The following VEGFC variants were observed in gnomAD, a reference collection of about 807,000 sequenced individuals.
VEGFC encodes FLT4 ligand DHM.
In VEGFC, 12 loss-of-function variants were observed where a neutral mutation model predicts 46.1. The ratio of observed to expected loss-of-function variants is 0.26; its 90% CI spans 0.17 to 0.42. The LOEUF is 0.42. Ranked by LOEUF, VEGFC falls within the 10% of genes least tolerant of loss-of-function variation. The probability of loss-of-function intolerance (pLI) is 1.00; values close to 1 mark genes in which losing one functional copy is unlikely to be tolerated. For missense variants in VEGFC, 488 were observed against 529.4 expected, an observed-to-expected ratio of 0.92 and a Z score of 0.77; for synonymous variants, 232 against 195.5, an observed-to-expected ratio of 1.19 and a Z score of -1.56.
intron 1 of VEGFC, among the ~76,000 whole-genome samples, chr4:176,755,360 A>G (rs1199949047): frequency 6.6e-6 from 1 of 152,042 alleles, no homozygotes; most frequent in African/African-American, 2.4e-5. Context: ...AAAGTTTAAC[A>G]AGACTTTTTG....
At chr4:176,747,906 T>C (rs893145646) in intron 1 of VEGFC, among the ~76,000 whole-genome samples, 4 of 152,018 alleles carry the variant, frequency 2.6e-5, no homozygotes, top group Non-Finnish European at 5.9e-5. Context: ...ATAATTACTT[T>C]GCTAATTACA....
intron 1 of VEGFC, among the ~76,000 whole-genome samples, chr4:176,782,318 G>C (rs1042006852): frequency 1.3e-5 from 2 of 152,016 alleles, no homozygotes; most frequent in African/African-American, 2.4e-5. Context: ...TTAAAAAATA[G>C]CTGGGTGGGG....
At chr4:176,758,023 C>T (rs2110905340) in intron 1 of VEGFC, among the ~76,000 whole-genome samples, 1 of 152,188 alleles carries the variant, frequency 6.6e-6, no homozygotes, top group East Asian at 1.9e-4. Flanking sequence ...ATGTATTCTA[C>T]TTCTCAACAC....
At chr4:176,768,290 G>A (rs1233744571) in intron 1 of VEGFC, among the ~76,000 whole-genome samples, 1 of 151,942 alleles carries the variant, frequency 6.6e-6, no homozygotes, top group Non-Finnish European at 1.5e-5. Context: ...AAATCACTAA[G>A]AGAGTGAATA....
chr4:176,714,783 T>G (rs952070607), intron 3 of VEGFC, among the ~76,000 whole-genome samples: 20 of 152,180 alleles, frequency 1.3e-4, no homozygotes, highest in Non-Finnish European at 2.5e-4. Flanking sequence ...AGGTAGATAA[T>G]GTTCACAAAT....
chr4:176,771,331 C>T (rs1735718509), intron 1 of VEGFC, among the ~76,000 whole-genome samples: 1 of 152,056 alleles, frequency 6.6e-6, no homozygotes. Context: ...AGTTCAAATG[C>T]CCTTATAATA....
intron 1 of VEGFC, among the ~76,000 whole-genome samples, chr4:176,772,551 G>A (rs1008501854): frequency 6.6e-6 from 1 of 152,198 alleles, no homozygotes; most frequent in Admixed American, 6.5e-5. Flanking sequence ...CACAAATGTG[G>A]TTGCCTCCTG....
chr4:176,739,991 TCGA>T (rs1735130016), intron 1 of VEGFC, among the ~76,000 whole-genome samples: 4 of 22,906 alleles, frequency 1.7e-4, no homozygotes, highest in African/African-American at 2.5e-4. Flanking sequence ...AACTATATAT[TCGA>T]TATATCGAAT....
At chr4:176,786,933 C>A (rs1272055878) in intron 1 of VEGFC, among the ~76,000 whole-genome samples, 1 of 152,092 alleles carries the variant, frequency 6.6e-6, no homozygotes, top group Non-Finnish European at 1.5e-5. Context: ...TCTGCTTATC[C>A]AAAATGCCTG....
At chr4:176,778,838 C>T (rs1244895526) in intron 1 of VEGFC, among the ~76,000 whole-genome samples, 3 of 152,072 alleles carry the variant, frequency 2.0e-5, no homozygotes, top group Non-Finnish European at 4.4e-5. Context: ...TCTTTCTGTC[C>T]TCATAAACTC....
chr4:176,703,268 T>G (rs1734466732), intron 4 of VEGFC, among the ~76,000 whole-genome samples: 1 of 152,128 alleles, frequency 6.6e-6, no homozygotes, highest in African/African-American at 2.4e-5. Context: ...ATCTGTTATA[T>G]ATACACAACG....
intron 1 of VEGFC, among the ~76,000 whole-genome samples, chr4:176,760,157 TC>T (rs1735504383): frequency 6.6e-6 from 1 of 152,166 alleles, no homozygotes; most frequent in Admixed American, 6.5e-5. Context: ...GGTTTTATTT[TC>T]TCTGAATATA....
At chr4:176,701,434 A>G (rs948741375) in intron 4 of VEGFC, among the ~76,000 whole-genome samples, 3 of 152,092 alleles carry the variant, frequency 2.0e-5, no homozygotes, top group Non-Finnish European at 4.4e-5. Flanking sequence ...TATTGATGCA[A>G]TCTCCTCAGC....
intron 4 of VEGFC, among the ~76,000 whole-genome samples, chr4:176,695,569 A>C (rs1734296800): frequency 6.6e-6 from 1 of 151,796 alleles, no homozygotes; most frequent in Non-Finnish European, 1.5e-5. Context: ...AACTGGTACC[A>C]TTCCTTCTGA....
chr4:176,695,715 A>G (rs1036938037), intron 4 of VEGFC, among the ~76,000 whole-genome samples: 5 of 151,970 alleles, frequency 3.3e-5, no homozygotes, highest in African/African-American at 1.2e-4. Context: ...ATGAACATTG[A>G]TGCAAAAATC....
intron 1 of VEGFC, among the ~76,000 whole-genome samples, chr4:176,758,457 C>T (rs1735470592): frequency 6.6e-6 from 1 of 152,060 alleles, no homozygotes; most frequent in Admixed American, 6.6e-5. Context: ...AGACACTTCC[C>T]AGAGCTAGGA....
chr4:176,713,315 A>C (rs1354860129), intron 3 of VEGFC, among the ~76,000 whole-genome samples: 2 of 152,170 alleles, frequency 1.3e-5, no homozygotes, highest in Admixed American at 6.6e-5. Flanking sequence ...AATGGCAGTA[A>C]TCCTTTGCAC....
At chr4:176,693,791 C>T (rs941557627) in intron 4 of VEGFC, among the ~76,000 whole-genome samples, 1 of 141,782 alleles carries the variant, frequency 7.1e-6, no homozygotes, top group East Asian at 2.0e-4. Context: ...GGCAGAAACC[C>T]TACAAGCCAG....
intron 1 of VEGFC, among the ~76,000 whole-genome samples, chr4:176,739,218 G>C (rs1735113636): frequency 6.6e-6 from 1 of 151,484 alleles, no homozygotes; most frequent in Non-Finnish European, 1.5e-5. Context: ...GTATTAATTA[G>C]TTTAACCATT....
Sources: allele counts gnomAD v4.1 joint callset (sites outside exome capture counted in the v4.1 genomes callset), GRCh38; gene constraint gnomAD v4.1.1; transcripts MANE v1.5; gene names NCBI Gene and HGNC (gene_info 2026-07-23, HGNC 2026-07-21).